The following G6PC1 variants were observed in gnomAD, a reference collection of about 807,000 sequenced individuals.
The protein encoded by G6PC1 is G-6-Pase.
In G6PC1, 23 loss-of-function variants were observed where a neutral mutation model predicts 30.4. The ratio of observed to expected loss-of-function variants is 0.76; its 90% CI spans 0.55 to 1.07. The LOEUF (loss-of-function observed/expected upper bound fraction) is 1.07. G6PC1 is among the 50% of genes least tolerant of loss of function. The probability of loss-of-function intolerance (pLI) is 0.00; values close to 1 mark genes in which losing one functional copy is unlikely to be tolerated. For synonymous variants in G6PC1, 163 were observed against 175.6 expected, an observed-to-expected ratio of 0.93 and a Z score of 0.57; for missense variants, 391 against 433.9, an observed-to-expected ratio of 0.90 and a Z score of 0.88.
At chr17:42,904,269 A>C (rs1330323304) in intron 2 of G6PC1, 1 of 514,688 alleles carries the variant, frequency 1.9e-6, no homozygotes, top group African/African-American at 1.9e-5. Context: ...ACGGGCATCC[A>C]TGGGCAAAGG....
chr17:42,903,914 G>T lies in G6PC1; in HGVS notation c.231-17G>T. 6.5e-7 allele frequency: 1 copy of T among 1,549,752 alleles called. No individual in the cohort carries two copies. The highest frequency in any genetic ancestry group is 1.1e-5 in the South Asian group (1 of 89,788). Reference sequence around the variant, plus strand: ...ATTCATTCAGTAACCCCAGAAACTTGTTCTGTTTTTCCATAGGATTCTCTT... The same window carrying T: ...ATTCATTCAGTAACCCCAGAAACTTTTTCTGTTTTTCCATAGGATTCTCTT... On this transcript the variant is annotated splice_polypyrimidine_tract_variant and intron_variant, in intron 1 of 4. Coordinates refer to ENST00000253801, the MANE Select transcript of G6PC1 (RefSeq NM_000151.4).
Position 42,911,648 on chromosome 17 carries a change from T to G in G6PC1, c.*222T>G. 2 of 625,198 alleles carry G rather than the reference T, an allele frequency of 3.2e-6. No individual in the cohort carries two copies. The highest frequency in any genetic ancestry group is 5.6e-6 in the Non-Finnish European group (2 of 357,384). 38.7% of individuals were successfully genotyped at this position (625,198 alleles called of 1,614,324 possible). On this transcript the variant is annotated 3_prime_UTR_variant, in exon 5 of 5. Coordinates refer to ENST00000253801, the MANE Select transcript of G6PC1 (RefSeq NM_000151.4). The stretch of plus-strand genomic sequence containing the variant: ...CAGACTCTTTCAGATGGAGGTGCCA[T>G]ATCACGTACACCATATGCAAGTTTC...
intron 1 of G6PC1, among the ~76,000 whole-genome samples, chr17:42,902,946 C>T (rs906096004): frequency 3.3e-5 from 5 of 152,006 alleles, no homozygotes; most frequent in African/African-American, 1.2e-4. Flanking sequence ...GCAAGATTCC[C>T]TGAGGCCTGA....
Position 42,912,191 on chromosome 17 carries a change from G to A in G6PC1, c.*765G>A, listed in dbSNP as rs2056100628. ...TCTCAGTAATGGGGGACCAGCTTAA[G>A]TATAATTAATAGATGGTTAGTGGGG... On this transcript the variant is annotated 3_prime_UTR_variant, in exon 5 of 5. Transcript: ENST00000253801. The A allele has an allele frequency of 6.6e-6, 1 of 152,394 alleles. No homozygotes were observed. The highest frequency in any genetic ancestry group is 2.4e-5 in the African/African-American group (1 of 41,452). The allele number at this position is 152,394 out of a possible 1,614,324, so 9.4% of individuals were successfully genotyped here. A position where few individuals can be genotyped will look rare whatever the true frequency, so the allele number is the denominator to read the frequency against.
At chr17:42,910,048 A>C (rs1011943757) in intron 4 of G6PC1, among the ~76,000 whole-genome samples, 3 of 151,982 alleles carry the variant, frequency 2.0e-5, no homozygotes, top group Admixed American at 6.6e-5. Flanking sequence ...TATTTTTAGC[A>C]GAGACGGGGT....
chr17:42,901,389 T>C (rs1187389882), intron 1 of G6PC1, among the ~76,000 whole-genome samples: 1 of 151,504 alleles, frequency 6.6e-6, no homozygotes, highest in Non-Finnish European at 1.5e-5. Flanking sequence ...GAGCAAAGAG[T>C]TTTATTAGTA....
chr17:42,907,527 C>A lies in G6PC1; in HGVS notation c.345C>A (p.Ser115Arg). The A allele has an allele frequency of 6.2e-7, 1 of 1,610,700 alleles. No homozygotes were observed. Among genetic ancestry groups the A allele is most frequent in the Non-Finnish European group, 8.5e-7 (1 of 1,177,070 alleles). The change falls in exon 3 of 5, where the codon AGC (serine) becomes AGA (arginine). Residue 115 changes from serine (S) to arginine (R), a missense_variant. Physicochemically the swap from Ser to Arg is moderately radical, Grantham distance 110. Transcript: ENST00000253801. Reference protein sequence around the residue: ...FPVTCETGPGSPSGHAMGTAG... With the variant: ...FPVTCETGPGRPSGHAMGTAG... ...ATTCTCTTTCCTGCCCTTTAGGGAG[C>A]CCCTCTGGCCATGCCATGGGCACAG...
chr17:42,905,237 C>T (rs62079761), intron 2 of G6PC1, among the ~76,000 whole-genome samples: 20,249 of 151,546 alleles, frequency 0.13, 1,526 homozygotes, highest in African/African-American at 0.19. Context: ...CCAGCCTGGC[C>T]AACATGGCAA....
rs200412708 is a variant in G6PC1, at chr17:42,902,360, G to GCCT, written c.230+1256_230+1258dup. Among the ~76,000 whole-genome samples, 1,100 of 152,154 alleles carry GCCT rather than the reference G, an allele frequency of 7.2e-3. 5 individuals carry two copies. Among genetic ancestry groups the GCCT allele is most frequent in the African/African-American group, 0.025 (1,031 of 41,506 alleles). ...CCTCTCCGGTTCAAGTGATTCTCCT[G>GCCT]CCTCAGCCTCCCAAGTAGCTGGGAT... On this transcript the variant is annotated intron_variant, in intron 1 of 4. Coordinates refer to ENST00000253801, the MANE Select transcript of G6PC1 (RefSeq NM_000151.4).
chr17:42,900,875 G>A lies in G6PC1; in HGVS notation c.-2G>A, dbSNP rs371618834. 6 of 1,612,550 alleles carry A rather than the reference G, an allele frequency of 3.7e-6. No individual in the cohort carries two copies. The highest frequency in any genetic ancestry group is 5.1e-6 in the Non-Finnish European group (6 of 1,178,660). Reference sequence around the variant, plus strand: ...TCTTCCTGAGGTGCCAAGGAAATGAGGATGGAGGAAGGAATGAATGTTCTC... The same window carrying A: ...TCTTCCTGAGGTGCCAAGGAAATGAAGATGGAGGAAGGAATGAATGTTCTC... On this transcript the variant is annotated 5_prime_UTR_variant, in exon 1 of 5. Coordinates refer to ENST00000253801, the MANE Select transcript of G6PC1 (RefSeq NM_000151.4).
rs769303030 is a variant in G6PC1, at chr17:42,907,505, C to A, written c.341-18C>A. 23 of 1,580,574 alleles carry A rather than the reference C, an allele frequency of 1.5e-5. No individual in the cohort carries two copies. The highest frequency in any genetic ancestry group is 1.8e-5 in the Non-Finnish European group (21 of 1,150,508). On this transcript the variant is annotated intron_variant, in intron 2 of 4. Transcript: ENST00000253801. Reference sequence around the variant, plus strand: ...AGGACCTTTTCACCTTTACTCCATTCTCTTTCCTGCCCTTTAGGGAGCCCC... The same window carrying A: ...AGGACCTTTTCACCTTTACTCCATTATCTTTCCTGCCCTTTAGGGAGCCCC...
intron 2 of G6PC1, among the ~76,000 whole-genome samples, chr17:42,905,758 G>A (rs1397579909): frequency 6.6e-6 from 1 of 151,902 alleles, no homozygotes; most frequent in Non-Finnish European, 1.5e-5. Context: ...GGCTCAGAAA[G>A]TAGGCCGGGC....
intron 3 of G6PC1, among the ~76,000 whole-genome samples, chr17:42,908,335 T>A (rs1289516033): frequency 6.6e-6 from 1 of 151,178 alleles, no homozygotes; most frequent in Non-Finnish European, 1.5e-5. Flanking sequence ...GCCATGCAAA[T>A]CCTTAATTAT....
At chr17:42,903,627 T>C (rs1198911474) in intron 1 of G6PC1, among the ~76,000 whole-genome samples, 1 of 151,286 alleles carries the variant, frequency 6.6e-6, no homozygotes, top group African/African-American at 2.4e-5. Flanking sequence ...GGTGGGAGGA[T>C]CCCAGGAGGT....
Position 42,911,188 on chromosome 17 carries a change from T to C in G6PC1, c.836T>C (p.Met279Thr), listed in dbSNP as rs765631320. The C allele has an allele frequency of 1.4e-5, 22 of 1,614,006 alleles. No homozygotes were observed. In the Admixed American group the frequency reaches 1.7e-4, roughly 12 times the overall value. Residue 279 changes from methionine (M) to threonine (T), a missense_variant, in exon 5 of 5, where the codon ATG (methionine) becomes ACG (threonine). Coordinates refer to ENST00000253801, the MANE Select transcript of G6PC1 (RefSeq NM_000151.4). The part of the protein sequence containing the change: ...FGLGLALNSS[M>T]YRESCKGKLS... ...CTGGGGCTGGCTCTCAACTCCAGCATGTACAGGGAGAGCTGCAAGGGGAAA... is the reference window on the plus strand; with the variant it reads ...CTGGGGCTGGCTCTCAACTCCAGCACGTACAGGGAGAGCTGCAAGGGGAAA...
At position 42,911,102 on chromosome 17, in the gene G6PC1, G is replaced by T; in HGVS notation, c.750G>T (p.Trp250Cys). The change falls in exon 5 of 5, where the codon TGG becomes TGT. Residue 250 changes from tryptophan (W) to cysteine (C), a missense_variant. By Grantham distance (215) the Trp-to-Cys change is radical. Coordinates refer to ENST00000253801, the MANE Select transcript of G6PC1 (RefSeq NM_000151.4). Reference protein sequence around the residue: ...KAQRWCEQPEWVHIDTTPFAS... With the variant: ...KAQRWCEQPECVHIDTTPFAS... The stretch of plus-strand genomic sequence containing the variant: ...AGAGGTGGTGCGAGCAGCCAGAATG[G>T]GTCCACATTGACACCACACCCTTTG... 6.2e-7 allele frequency: 1 copy of T among 1,614,070 alleles called. No homozygotes were observed. The highest frequency in any genetic ancestry group is 8.5e-7 in the Non-Finnish European group (1 of 1,180,004).
At chr17:42,905,506 CAA>C (rs555446125) in intron 2 of G6PC1, among the ~76,000 whole-genome samples, 1,714 of 66,438 alleles carry the variant, frequency 0.026, 39 homozygotes, top group African/African-American at 0.083. Flanking sequence ...TGTTTATAGG[CAA>C]AAAAAAAAAA....
intron 2 of G6PC1, among the ~76,000 whole-genome samples, chr17:42,905,082 A>G (rs927500157): frequency 2.0e-5 from 3 of 151,442 alleles, no homozygotes; most frequent in African/African-American, 7.3e-5. Flanking sequence ...ACTGCACTCC[A>G]GCCTGAATGA....
chr17:42,909,452 C>T, intron 4 of G6PC1, 34 bp downstream of exon 4: 3 of 1,491,220 alleles, frequency 2.0e-6, no homozygotes, highest in Non-Finnish European at 2.8e-6. Flanking sequence ...CCTTCTCCCC[C>T]AAACCCCATT....
Sources: allele counts gnomAD v4.1 joint callset (sites outside exome capture counted in the v4.1 genomes callset), GRCh38; gene constraint gnomAD v4.1.1; transcripts MANE v1.5; gene names NCBI Gene and HGNC (gene_info 2026-07-23, HGNC 2026-07-21).